The following DNAH7 variants were observed in gnomAD, a reference collection of about 807,000 sequenced individuals.
The protein encoded by DNAH7 is dynein axonemal heavy chain 7, also known as axonemal beta dynein heavy chain 7.
A neutral mutation model predicts 444.6 loss-of-function variants in DNAH7; 397 were observed. That is an observed-to-expected ratio of 0.89 (90% CI 0.82 to 0.97). The LOEUF is 0.97. Ranked by LOEUF, DNAH7 falls within the 50% of genes least tolerant of loss-of-function variation. The pLI, the probability that DNAH7 is intolerant of heterozygous loss-of-function variation, is 0.00. For synonymous variants in DNAH7, 1,636 were observed against 1,624.4 expected, an observed-to-expected ratio of 1.01 and a Z score of -0.17; for missense variants, 4,902 against 4,800.8, an observed-to-expected ratio of 1.02 and a Z score of -0.62.
intron 24 of DNAH7, among the ~76,000 whole-genome samples, chr2:195,919,828 G>A (rs1687915846): frequency 6.6e-6 from 1 of 152,164 alleles, no homozygotes; most frequent in Non-Finnish European, 1.5e-5. Flanking sequence ...GACTAGGGGA[G>A]GCTGAGTGAA....
At chr2:196,068,641 A>G in intron 1 of DNAH7, 56 bp downstream of exon 1, 1 of 1,548,858 alleles carries the variant, frequency 6.5e-7, no homozygotes, top group Non-Finnish European at 8.7e-7. Context: ...ACCACTTCCG[A>G]AACGCCTGGG....
intron 11 of DNAH7, 53 bp from the exon 12 acceptor site, chr2:196,000,936 C>A: frequency 7.1e-7 from 1 of 1,410,050 alleles, no homozygotes; most frequent in Admixed American, 2.3e-5. Context: ...TTGTGACAGA[C>A]TAAGTAGTAC....
intron 46 of DNAH7, among the ~76,000 whole-genome samples, chr2:195,851,389 T>C (rs956230913): frequency 6.6e-6 from 1 of 152,104 alleles, no homozygotes; most frequent in African/African-American, 2.4e-5. Flanking sequence ...TTCACAGAGA[T>C]GAGGTGGCAT....
At chr2:195,895,814 C>T (rs1702275472) in intron 29 of DNAH7, among the ~76,000 whole-genome samples, 1 of 152,142 alleles carries the variant, frequency 6.6e-6, no homozygotes, top group Non-Finnish European at 1.5e-5. Flanking sequence ...CATATACATA[C>T]TACTTTTTCC....
chr2:195,906,299 A>G (rs1328387839), intron 27 of DNAH7, among the ~76,000 whole-genome samples: 3 of 152,016 alleles, frequency 2.0e-5, no homozygotes, highest in Non-Finnish European at 4.4e-5. Context: ...AAAAATACTC[A>G]AAGCTTTAAA....
rs573829961 is a variant in DNAH7 at position 195,877,596 on chromosome 2, T to C, written c.5962-897A>G. On this transcript the variant is annotated intron_variant, in intron 36 of 64. Coordinates refer to ENST00000312428, the MANE Select transcript of DNAH7 (RefSeq NM_018897.3). ...AAATGGAAATTCTGAAAGCATACTT[T>C]GGAATATTAATCTATTCATCAAGGC... is the stretch of plus-strand genomic sequence containing the variant. Among the ~76,000 whole-genome samples the C allele has an allele frequency of 3.9e-5, 6 of 152,334 alleles. No individual in the cohort carries two copies. The East Asian group carries it at 1.2e-3, about 29-fold the overall frequency.
At chr2:195,831,471 T>C (rs576378526) in intron 48 of DNAH7, among the ~76,000 whole-genome samples, 1 of 152,320 alleles carries the variant, frequency 6.6e-6, no homozygotes, top group Admixed American at 6.5e-5. Flanking sequence ...GAGGCCAATA[T>C]CTAAACATAA....
At chr2:195,962,648 C>T (rs1275935576) in intron 17 of DNAH7, among the ~76,000 whole-genome samples, 1 of 152,122 alleles carries the variant, frequency 6.6e-6, no homozygotes, top group South Asian at 2.1e-4. Flanking sequence ...CTGTGCCTGG[C>T]CCTGTTTTAG....
intron 17 of DNAH7, among the ~76,000 whole-genome samples, chr2:195,964,002 G>C (rs1691292015): frequency 6.6e-6 from 1 of 152,096 alleles, no homozygotes; most frequent in Non-Finnish European, 1.5e-5. Context: ...TGCTGCTTTG[G>C]TTACTAAAGC....
intron 51 of DNAH7, among the ~76,000 whole-genome samples, chr2:195,812,880 C>A (rs1045629341): frequency 6.6e-6 from 1 of 152,158 alleles, no homozygotes; most frequent in South Asian, 2.1e-4. Context: ...TGTGAGAACT[C>A]ATTCTCTTTT....
chr2:195,974,191 T>C (rs1248838526), intron 15 of DNAH7, among the ~76,000 whole-genome samples: 1 of 152,310 alleles, frequency 6.6e-6, no homozygotes, highest in South Asian at 2.1e-4. Context: ...TGATATATTA[T>C]TCTAATTAGA....
chr2:196,027,904 A>G (rs1176775026), intron 6 of DNAH7, 56 bp downstream of exon 6: 2 of 1,521,484 alleles, frequency 1.3e-6, no homozygotes, highest in African/African-American at 2.8e-5. Flanking sequence ...GTATAAAATT[A>G]TCTTCAAGTG....
intron 61 of DNAH7, among the ~76,000 whole-genome samples, chr2:195,759,787 G>C (rs945991782): frequency 1.3e-5 from 2 of 152,098 alleles, no homozygotes; most frequent in Non-Finnish European, 2.9e-5. Context: ...GGGAGGTTGA[G>C]GCTGCAGTGA....
chr2:195,853,572 G>T (rs1353659288), intron 45 of DNAH7, 44 bp from the exon 46 acceptor site: 1 of 1,541,670 alleles, frequency 6.5e-7, no homozygotes. Flanking sequence ...ACAAGTATAA[G>T]AAGTTTAAAA....
At position 195,988,181 on chromosome 2, in the gene DNAH7, T is replaced by G. The variant is rs747908293; in HGVS notation, c.1402A>C (p.Ile468Leu). 1 of 1,613,258 alleles carries G rather than the reference T, an allele frequency of 6.2e-7. No individual in the cohort carries two copies. Among genetic ancestry groups the G allele is most frequent in the South Asian group, 1.1e-5 (1 of 90,832 alleles). The change falls in exon 13 of 65, where the codon ATT becomes CTT. Residue 468 changes from isoleucine to leucine, a missense_variant. Ile to Leu is a conservative substitution (Grantham distance 5). Coordinates refer to ENST00000312428, the MANE Select transcript of DNAH7 (RefSeq NM_018897.3). ...TTLKPIILNEIVDAHKEKIKE... is the reference protein window; with the variant it reads ...TTLKPIILNELVDAHKEKIKE... Reference sequence around the variant, plus strand: ...ATCTTTTCTTTGTGAGCATCTACAATTTCATTCAGAATTATGGGCTTCAAG... The same window carrying G: ...ATCTTTTCTTTGTGAGCATCTACAAGTTCATTCAGAATTATGGGCTTCAAG...
intron 55 of DNAH7, 135 bp downstream of exon 55, chr2:195,799,161 G>A: frequency 2.9e-6 from 2 of 698,948 alleles, no homozygotes; most frequent in East Asian, 3.1e-5. Flanking sequence ...ATTTTCTTGG[G>A]ATTCTGTCAA....
chr2:195,817,961 G>A (rs566873167), intron 49 of DNAH7, 132 bp from the exon 50 acceptor site: 35 of 595,694 alleles, frequency 5.9e-5, no homozygotes, highest in Middle Eastern at 4.7e-4. Context: ...GGTGTAATTT[G>A]TAGAGACTAT....
intron 1 of DNAH7, among the ~76,000 whole-genome samples, chr2:196,061,416 C>T (rs1050187780): frequency 1.3e-5 from 2 of 152,154 alleles, no homozygotes; most frequent in Non-Finnish European, 2.9e-5. Flanking sequence ...ACATCTCTAA[C>T]TTAATGTGTC....
chr2:195,867,923 G>A (rs916715524), intron 40 of DNAH7, among the ~76,000 whole-genome samples: 4 of 151,970 alleles, frequency 2.6e-5, no homozygotes, highest in African/African-American at 9.7e-5. Flanking sequence ...ACATGTATCA[G>A]TTCTTCTGGG....
Sources: allele counts gnomAD v4.1 joint callset (sites outside exome capture counted in the v4.1 genomes callset), GRCh38; gene constraint gnomAD v4.1.1; transcripts MANE v1.5; gene names NCBI Gene and HGNC (gene_info 2026-07-23, HGNC 2026-07-21).